The following MSI2 variants were observed in gnomAD, a reference collection of about 807,000 sequenced individuals.
The protein encoded by MSI2 is RNA-binding protein Musashi homolog 2.
MSI2 carries 17 observed loss-of-function variants against 45.6 expected under a neutral mutation model. The observed-to-expected ratio is 0.37, with a 90% CI of 0.26 to 0.56. MSI2 has a LOEUF of 0.56. Ranked by LOEUF, MSI2 falls within the 20% of genes least tolerant of loss-of-function variation. MSI2 has a pLI of 0.77. For synonymous variants in MSI2, 156 were observed against 158.2 expected (o/e 0.99, Z 0.11); for missense variants, 293 against 444.2 (o/e 0.66, Z 3.06).
At chr17:57,287,908 G>C (rs571458789) in intron 5 of MSI2, among the ~76,000 whole-genome samples, 2 of 152,314 alleles carry the variant, frequency 1.3e-5, no homozygotes, top group East Asian at 3.9e-4. Flanking sequence ...TGAGCCCCTG[G>C]AGACAGCAGT....
At chr17:57,370,181 G>A (rs1170755451) in intron 5 of MSI2, among the ~76,000 whole-genome samples, 1 of 152,134 alleles carries the variant, frequency 6.6e-6, no homozygotes, top group Non-Finnish European at 1.5e-5. Flanking sequence ...TAGTGGAAGG[G>A]GAATCTGTGT....
At chr17:57,256,888 A>G (rs1025061488) in intron 1 of MSI2, 84 bp downstream of exon 1, 43 of 1,035,056 alleles carry the variant, frequency 4.2e-5, no homozygotes, top group Admixed American at 2.3e-4. Context: ...GGAGCCGGGC[A>G]TCTCCCGCGC....
rs1567977327 is a variant in MSI2, at chr17:57,682,660, C to A, written c.*3143C>A. 4.7e-6 allele frequency: 1 copy of A among 214,606 alleles called. No homozygotes were observed. The highest frequency in any genetic ancestry group is 1.9e-4 in the South Asian group (1 of 5,384). 13.3% of individuals were successfully genotyped at this position (214,606 alleles called of 1,614,324 possible). On this transcript the variant is annotated 3_prime_UTR_variant, in exon 14 of 14. Coordinates refer to ENST00000284073, the MANE Select transcript of MSI2 (RefSeq NM_138962.4). ...CCATTTTGAAAGATTTTTGTAAATT[C>A]TTTTAACACTGATGTTTCAGCCTCG...
Position 57,468,134 on chromosome 17 carries a change from T to G in MSI2, c.406-61542T>G, listed in dbSNP as rs140860117. On this transcript the variant is annotated intron_variant, in intron 6 of 13. Coordinates refer to ENST00000284073, the MANE Select transcript of MSI2 (RefSeq NM_138962.4). ...CATTTACTGTCTGTTACGTAACCTC[T>G]TAGAGCCTTAGTTCCCGCATCTGTA... 3.3e-3 allele frequency among the ~76,000 whole-genome samples: 505 copies of G among 151,988 alleles called. 3 individuals are homozygous for G. The highest frequency in any genetic ancestry group is 0.02 in the Middle Eastern group (6 of 294).
chr17:57,433,921 T>C (rs751629055), intron 6 of MSI2, among the ~76,000 whole-genome samples: 11 of 152,360 alleles, frequency 7.2e-5, no homozygotes, highest in Non-Finnish European at 1.3e-4. Context: ...AAATACAATG[T>C]GATGTTTAAA....
chr17:57,443,806 C>A lies in MSI2; in HGVS notation c.405+42335C>A, dbSNP rs115569147. ...AGACAAAAGGGGATCATCATTGTCCCTACCTTAGGGGCTTTTGAGGACAGG... is the reference window on the plus strand; with the variant it reads ...AGACAAAAGGGGATCATCATTGTCCATACCTTAGGGGCTTTTGAGGACAGG... On this transcript the variant is annotated intron_variant, in intron 6 of 13. Transcript: ENST00000284073. Among the ~76,000 whole-genome samples the A allele has an allele frequency of 5.1e-3, 780 of 152,258 alleles. 2 individuals carry two copies. Among genetic ancestry groups the A allele is most frequent in the African/African-American group, 0.018 (748 of 41,548 alleles).
intron 7 of MSI2, among the ~76,000 whole-genome samples, chr17:57,562,576 T>C (rs769105989): frequency 6.6e-6 from 1 of 152,222 alleles, no homozygotes; most frequent in Non-Finnish European, 1.5e-5. Context: ...CTGCTGCACA[T>C]GCTGTTGGCC....
chr17:57,261,912 C>T (rs999190442), intron 4 of MSI2, among the ~76,000 whole-genome samples: 1 of 152,152 alleles, frequency 6.6e-6, no homozygotes, highest in Admixed American at 6.5e-5. Context: ...AAGAGCATCA[C>T]ACACTGAAAT....
chr17:57,526,356 GGTGTGT>G (rs71143203), intron 6 of MSI2, among the ~76,000 whole-genome samples: 18,287 of 122,564 alleles, frequency 0.15, 1,291 homozygotes, highest in South Asian at 0.18. Flanking sequence ...GATATACCTG[GGTGTGT>G]GTGTGTGTGT....
chr17:57,557,105 C>T (rs2087453620), intron 7 of MSI2, among the ~76,000 whole-genome samples: 1 of 152,192 alleles, frequency 6.6e-6, no homozygotes, highest in Admixed American at 6.5e-5. Flanking sequence ...TTCCTCATCC[C>T]TGCCTGAGGA....
At chr17:57,302,583 T>A (rs1436953162) in intron 5 of MSI2, among the ~76,000 whole-genome samples, 2 of 152,194 alleles carry the variant, frequency 1.3e-5, no homozygotes, top group African/African-American at 4.8e-5. Flanking sequence ...AAATGGCTGC[T>A]TTGGTAGGAC....
At chr17:57,599,609 G>T (rs1304519376) in intron 8 of MSI2, among the ~76,000 whole-genome samples, 1 of 152,158 alleles carries the variant, frequency 6.6e-6, no homozygotes, top group Non-Finnish European at 1.5e-5. Context: ...TTGAATCTGG[G>T]GCTAGTACTT....
At chr17:57,620,288 C>T (rs917561911) in intron 9 of MSI2, among the ~76,000 whole-genome samples, 3 of 152,220 alleles carry the variant, frequency 2.0e-5, no homozygotes, top group Non-Finnish European at 4.4e-5. Flanking sequence ...GGGATAAATG[C>T]AACTGTATCT....
At chr17:57,510,510 C>T (rs1364469197) in intron 6 of MSI2, among the ~76,000 whole-genome samples, 2 of 152,018 alleles carry the variant, frequency 1.3e-5, no homozygotes, top group Admixed American at 6.5e-5. Flanking sequence ...TCACTGCAAC[C>T]TCCGCCTCCC....
At chr17:57,531,517 CA>C (rs2086821943) in intron 7 of MSI2, among the ~76,000 whole-genome samples, 1 of 152,168 alleles carries the variant, frequency 6.6e-6, no homozygotes, top group Non-Finnish European at 1.5e-5. Context: ...GATGGGAATG[CA>C]TTTGTTAAAA....
chr17:57,691,291 A>G, the MSI2 span, among the ~76,000 whole-genome samples: 1 of 151,874 alleles, frequency 6.6e-6, no homozygotes, highest in African/African-American at 2.4e-5. Flanking sequence ...AAGTATTGCG[A>G]TCAGGTAGAG....
chr17:57,623,245 GAT>G lies in MSI2; in HGVS notation c.653-3981_653-3980del, dbSNP rs1908481972. Among the ~76,000 whole-genome samples the G allele has an allele frequency of 3.3e-5, 5 of 152,260 alleles. No homozygotes were observed. In the South Asian group the frequency reaches 1.0e-3, roughly 32 times the overall value. ...GCAGTGCTCTAAACATCACGCAGCA[GAT>G]ATGTCACACTCTGGCAGTTCCCTGG... On this transcript the variant is annotated intron_variant, in intron 9 of 13. Coordinates refer to ENST00000284073, the MANE Select transcript of MSI2 (RefSeq NM_138962.4).
At chr17:57,482,029 G>T (rs2085658271) in intron 6 of MSI2, among the ~76,000 whole-genome samples, 2 of 152,198 alleles carry the variant, frequency 1.3e-5, no homozygotes, top group South Asian at 4.1e-4. Flanking sequence ...CCAACCAGGG[G>T]CCTTACACAG....
chr17:57,554,467 A>G (rs1379648983), intron 7 of MSI2, among the ~76,000 whole-genome samples: 1 of 152,198 alleles, frequency 6.6e-6, no homozygotes, highest in Non-Finnish European at 1.5e-5. Context: ...TCTCCTCCTC[A>G]GCAAGTAGTC....
Sources: gnomAD v4.1 joint callset for allele counts (sites outside exome capture counted in the v4.1 genomes callset) on GRCh38, gnomAD v4.1.1 for gene constraint, MANE v1.5 for transcripts, NCBI Gene and HGNC (gene_info 2026-07-23, HGNC 2026-07-21) for gene names.